CDKN3: variants seen among roughly 807,000 people sequenced by gnomAD.
CDKN3 encodes the protein cyclin dependent kinase inhibitor 3.
Under a neutral mutation model 36.1 loss-of-function variants are expected in CDKN3, and 19 were observed. The ratio of observed to expected loss-of-function variants is 0.53; its 90% confidence interval spans 0.37 to 0.77. The LOEUF is 0.77. Among genes scored for constraint, CDKN3 ranks in the 30% least tolerant of loss-of-function variants. CDKN3 has a pLI of 0.00. For missense variants in CDKN3, 188 were observed against 248.6 expected (o/e 0.76, Z 1.64); for synonymous variants, 71 against 85.3 (o/e 0.83, Z 0.92).
At position 54,403,624 on chromosome 14, in the gene CDKN3, C is replaced by T. The variant is rs140858771; in HGVS notation, c.148+2045C>T. ...GGCATTCTTGTCTTATGACGGTTTT[C>T]AAAGGGAATGCTTCCAGCTTTTGCC... On this transcript the variant is annotated intron_variant, in intron 3 of 7. Coordinates refer to ENST00000335183, the MANE Select transcript of CDKN3 (RefSeq NM_005192.4). Among the ~76,000 whole-genome samples, 1,077 of 152,292 alleles carry T rather than the reference C, an allele frequency of 7.1e-3. 33 individuals carry two copies. The South Asian group carries it at 0.1, about 14-fold the overall frequency.
chr14:54,419,349 C>G (rs2030654090), intron 7 of CDKN3, among the ~76,000 whole-genome samples: 1 of 152,170 alleles, frequency 6.6e-6, no homozygotes, highest in Non-Finnish European at 1.5e-5. Context: ...GGCAAACAGG[C>G]TTGCTGGTGT....
intron 5 of CDKN3, chr14:54,414,006 A>G (rs1004494275): frequency 1.7e-5 from 4 of 230,736 alleles, no homozygotes; most frequent in African/African-American, 2.3e-5. Flanking sequence ...GGTGGTGGCC[A>G]TCAATCCATG....
chr14:54,401,901 A>G (rs1001360317), intron 3 of CDKN3, among the ~76,000 whole-genome samples: 1 of 152,038 alleles, frequency 6.6e-6, no homozygotes, highest in Non-Finnish European at 1.5e-5. Flanking sequence ...TTCCTGAGTT[A>G]CTTCACTTAG....
chr14:54,419,802 A>G (rs1476132324), intron 7 of CDKN3, among the ~76,000 whole-genome samples, 190 bp from the exon 8 acceptor site: 1 of 152,348 alleles, frequency 6.6e-6, no homozygotes, highest in East Asian at 1.9e-4. Flanking sequence ...TTGTAGAACA[A>G]TAGTTTTTCA....
intron 3 of CDKN3, among the ~76,000 whole-genome samples, chr14:54,402,022 A>G (rs992999273): frequency 6.6e-6 from 1 of 152,100 alleles, no homozygotes; most frequent in African/African-American, 2.4e-5. Flanking sequence ...ATCCTGGACA[A>G]CATGGTGAAA....
At chr14:54,419,238 G>A (rs960201633) in intron 7 of CDKN3, among the ~76,000 whole-genome samples, 2 of 151,936 alleles carry the variant, frequency 1.3e-5, no homozygotes, top group Non-Finnish European at 2.9e-5. Flanking sequence ...CATGGCCATG[G>A]CCAGATGTAT....
At chr14:54,412,248 G>A (rs749809366) in intron 5 of CDKN3, among the ~76,000 whole-genome samples, 1 of 152,100 alleles carries the variant, frequency 6.6e-6, no homozygotes, top group African/African-American at 2.4e-5. Context: ...TGCCAGGCAT[G>A]GTGGTACGTG....
At chr14:54,419,641 G>A (rs1232110538) in intron 7 of CDKN3, among the ~76,000 whole-genome samples, 1 of 152,132 alleles carries the variant, frequency 6.6e-6, no homozygotes, top group Non-Finnish European at 1.5e-5. Context: ...AAAGTGCTCT[G>A]TCCTTCTTAC....
At chr14:54,418,473 C>G in intron 7 of CDKN3, 1 of 566,394 alleles carries the variant, frequency 1.8e-6, no homozygotes, top group Admixed American at 3.3e-5. Flanking sequence ...ATGTACATTC[C>G]CCTAACACTT....
At chr14:54,403,625 A>G (rs998844923) in intron 3 of CDKN3, among the ~76,000 whole-genome samples, 2 of 152,238 alleles carry the variant, frequency 1.3e-5, no homozygotes, top group African/African-American at 4.8e-5. Flanking sequence ...GACGGTTTTC[A>G]AAGGGAATGC....
rs112566368 is a variant in CDKN3, at chr14:54,404,724, A to G, written c.148+3145A>G. 3.9e-5 allele frequency among the ~76,000 whole-genome samples: 6 copies of G among 151,986 alleles called. No individual in the cohort carries two copies. In the East Asian group the frequency reaches 7.8e-4, roughly 20 times the overall value. Reference sequence around the variant, plus strand: ...CTAGTAGCTGGGACTACAGGCACCCACCACCACACCCAGCTAATTTTTTTG... The same window carrying G: ...CTAGTAGCTGGGACTACAGGCACCCGCCACCACACCCAGCTAATTTTTTTG... On this transcript the variant is annotated intron_variant, in intron 3 of 7. Coordinates refer to ENST00000335183, the MANE Select transcript of CDKN3 (RefSeq NM_005192.4).
intron 3 of CDKN3, among the ~76,000 whole-genome samples, chr14:54,402,195 ACT>A (rs1294205347): frequency 2.1e-5 from 3 of 140,068 alleles, no homozygotes; most frequent in Admixed American, 7.4e-5. Context: ...ACAGAGCGAG[ACT>A]CTGTCTCAAA....
At chr14:54,400,237 T>TATAATATTGA (rs11281426) in intron 2 of CDKN3, among the ~76,000 whole-genome samples, 1 of 142,318 alleles carries the variant, frequency 7.0e-6, no homozygotes, top group Non-Finnish European at 1.5e-5. Context: ...ATTTACTCTT[T>TATAATATTGA]ATAAGACCCT....
At chr14:54,412,222 A>C (rs1248995430) in intron 5 of CDKN3, among the ~76,000 whole-genome samples, 1 of 152,036 alleles carries the variant, frequency 6.6e-6, no homozygotes, top group Non-Finnish European at 1.5e-5. Context: ...CTCCGCAAAA[A>C]GTATACAAAA....
intron 7 of CDKN3, among the ~76,000 whole-genome samples, chr14:54,419,507 T>C (rs2030658058): frequency 6.6e-6 from 1 of 152,228 alleles, no homozygotes; most frequent in Non-Finnish European, 1.5e-5. Context: ...TACAGTTTGT[T>C]TTTAAAAAAT....
chr14:54,411,547 A>G lies in CDKN3; in HGVS notation c.257A>G (p.Lys86Arg). The G allele has an allele frequency of 6.2e-7, 1 of 1,614,124 alleles. No homozygotes were observed. Among genetic ancestry groups the G allele is most frequent in the Non-Finnish European group, 8.5e-7 (1 of 1,180,030 alleles). Residue 86 changes from lysine to arginine, a missense_variant, in exon 5 of 8, where the codon AAA (lysine) becomes AGA (arginine). Coordinates refer to ENST00000335183, the MANE Select transcript of CDKN3 (RefSeq NM_005192.4). The stretch of plus-strand genomic sequence containing the variant: ...TTCTGCACCAGAGGGGAACTGTCAA[A>G]ATATAGAGTCCCAAACCTTCTGGAT... Reference protein sequence around the residue: ...FVFCTRGELSKYRVPNLLDLY... With the variant: ...FVFCTRGELSRYRVPNLLDLY...
chr14:54,418,851 CTCTT>C (rs145986487), intron 7 of CDKN3, among the ~76,000 whole-genome samples: 16,149 of 152,202 alleles, frequency 0.11, 1,157 homozygotes, highest in Non-Finnish European at 0.16. Context: ...ACAGACAACT[CTCTT>C]TATGTTAAAA....
intron 3 of CDKN3, among the ~76,000 whole-genome samples, chr14:54,406,147 A>G (rs1047383537): frequency 1.3e-5 from 2 of 152,170 alleles, no homozygotes; most frequent in Non-Finnish European, 2.9e-5. Flanking sequence ...ATTTTCTTTA[A>G]GAATGTTGAA....
intron 3 of CDKN3, among the ~76,000 whole-genome samples, chr14:54,406,955 G>C (rs2030179702): frequency 6.6e-6 from 1 of 152,086 alleles, no homozygotes; most frequent in Non-Finnish European, 1.5e-5. Context: ...TTTTTGCTCT[G>C]GTTTTTCCTC....
Sources: gnomAD v4.1 joint callset for allele counts (sites outside exome capture counted in the v4.1 genomes callset) on GRCh38, gnomAD v4.1.1 for gene constraint, MANE v1.5 for transcripts, NCBI Gene and HGNC (gene_info 2026-07-23, HGNC 2026-07-21) for gene names.